PARD3B: variants seen among roughly 807,000 people sequenced by gnomAD.
The protein encoded by PARD3B is partitioning defective 3 homolog B.
PARD3B carries 103 observed loss-of-function variants against 130.2 expected under a neutral mutation model. The observed-to-expected ratio is 0.79, with a 90% CI of 0.67 to 0.93. The LOEUF (loss-of-function observed/expected upper bound fraction) is 0.93. PARD3B is among the 40% of genes least tolerant of loss of function. The pLI is 0.00. For synonymous variants in PARD3B, 583 were observed against 553.2 expected, an observed-to-expected ratio of 1.05 and a Z score of -0.76; for missense variants, 1,609 against 1,499.2, an observed-to-expected ratio of 1.07 and a Z score of -1.21.
At chr2:204,766,935 GCT>G (rs898042803) in intron 2 of PARD3B, among the ~76,000 whole-genome samples, 1 of 143,638 alleles carries the variant, frequency 7.0e-6, no homozygotes, top group African/African-American at 2.5e-5. Flanking sequence ...GGAGTATTCT[GCT>G]CTCTGCTGTT....
chr2:204,772,785 T>C (rs975843761), intron 2 of PARD3B, among the ~76,000 whole-genome samples: 3 of 152,204 alleles, frequency 2.0e-5, no homozygotes, highest in African/African-American at 7.2e-5. Context: ...AAAATGATTG[T>C]ATTTTGTATG....
At chr2:205,422,914 A>T (rs548728850) in intron 19 of PARD3B, among the ~76,000 whole-genome samples, 1 of 152,214 alleles carries the variant, frequency 6.6e-6, no homozygotes, top group Non-Finnish European at 1.5e-5. Context: ...GTCATTGCCT[A>T]TCCTAACAAA....
intron 1 of PARD3B, among the ~76,000 whole-genome samples, chr2:204,549,115 A>T (rs1240069416): frequency 6.6e-6 from 1 of 152,202 alleles, no homozygotes; most frequent in African/African-American, 2.4e-5. Flanking sequence ...CCCTGAATCA[A>T]CATCAGATAA....
rs760582214 is a variant in PARD3B at position 205,301,655 on chromosome 2, G to A, written c.2584G>A (p.Asp862Asn). 1 of 1,544,406 alleles carries A rather than the reference G, an allele frequency of 6.5e-7. No homozygotes were observed. Among genetic ancestry groups the A allele is most frequent in the African/African-American group, 1.4e-5 (1 of 73,352 alleles). The change falls in exon 18 of 23, where the codon GAT becomes AAT. Residue 862 changes from aspartate (D) to asparagine (N), a missense_variant. Asp to Asn is a conservative substitution (Grantham distance 23). Transcript: ENST00000406610. This position sits in a 1 kb window ranked among gnomAD's most constrained non-coding sequence, Gnocchi z 5.2. The stretch of plus-strand genomic sequence containing the variant: ...GAAAAAGCGCAAAGAGGAGAATGAA[G>A]ATCCAGAAAGGAAAATAAAGAAGAA... ...KEKKRKEENE[D>N]PERKIKKKGF... is the part of the protein sequence containing the mutation.
At chr2:205,600,997 T>C (rs2054763546) in intron 22 of PARD3B, among the ~76,000 whole-genome samples, 1 of 152,226 alleles carries the variant, frequency 6.6e-6, no homozygotes, top group South Asian at 2.1e-4. Context: ...GAGAATGATT[T>C]ATATTCCTTT....
chr2:204,812,975 T>C (rs903448894), intron 2 of PARD3B, among the ~76,000 whole-genome samples: 3 of 152,226 alleles, frequency 2.0e-5, no homozygotes, highest in Non-Finnish European at 4.4e-5. Flanking sequence ...GATAGACATT[T>C]GGGCTTTCTC....
intron 3 of PARD3B, among the ~76,000 whole-genome samples, chr2:204,997,506 T>C (rs976166585): frequency 6.6e-6 from 1 of 151,546 alleles, no homozygotes; most frequent in Non-Finnish European, 1.5e-5. Flanking sequence ...GATGCTATTA[T>C]AAAGAAAGTT....
At chr2:204,970,289 T>C (rs142340471) in intron 3 of PARD3B, among the ~76,000 whole-genome samples, 11 of 152,328 alleles carry the variant, frequency 7.2e-5, no homozygotes, top group Non-Finnish European at 1.6e-4. Context: ...CAGTATTTGA[T>C]CTAGCTGTGT....
rs139019806 is a variant in PARD3B, at chr2:205,090,173, G to A, written c.505-14253G>A. On this transcript the variant is annotated intron_variant, in intron 4 of 22. Coordinates refer to ENST00000406610, the MANE Select transcript of PARD3B (RefSeq NM_001302769.2). ...CCCTGGGAGTTCATTAAAAGTGTGA[G>A]GTTGCCTCACTAATTAGATATGGCG... is the stretch of plus-strand genomic sequence containing the variant. 1.3e-3 allele frequency among the ~76,000 whole-genome samples: 199 copies of A among 152,328 alleles called. 1 individual carries two copies. Among genetic ancestry groups the A allele is most frequent in the African/African-American group, 4.5e-3 (187 of 41,578 alleles).
At chr2:205,168,649 G>A (rs2034969155) in intron 11 of PARD3B, among the ~76,000 whole-genome samples, 1 of 151,192 alleles carries the variant, frequency 6.6e-6, no homozygotes, top group South Asian at 2.1e-4. Flanking sequence ...TAGCTAAGTA[G>A]GTAGACAGCC....
chr2:205,106,549 G>A (rs1361553677), intron 5 of PARD3B, among the ~76,000 whole-genome samples: 1 of 149,602 alleles, frequency 6.7e-6, no homozygotes, highest in Non-Finnish European at 1.5e-5. Flanking sequence ...TTATCAAAAC[G>A]GGCTTTTCAC....
chr2:204,609,671 A>G (rs1237678139), intron 1 of PARD3B, among the ~76,000 whole-genome samples: 1 of 152,136 alleles, frequency 6.6e-6, no homozygotes, highest in Non-Finnish European at 1.5e-5. Flanking sequence ...AAGGGGAGTT[A>G]TATAGTCCAG....
intron 2 of PARD3B, among the ~76,000 whole-genome samples, chr2:204,840,677 A>G (rs922764580): frequency 1.3e-5 from 2 of 152,148 alleles, no homozygotes; most frequent in East Asian, 3.9e-4. Flanking sequence ...TCTAACCACA[A>G]TGATAAGTAC....
intron 2 of PARD3B, among the ~76,000 whole-genome samples, chr2:204,860,354 TCTTCTGG>T (rs2045133394): frequency 6.6e-6 from 1 of 152,236 alleles, no homozygotes; most frequent in Admixed American, 6.5e-5. Context: ...GCTTGCTCTC[TCTTCTGG>T]TGAGACAGCC....
At chr2:205,410,888 C>T (rs1035450482) in intron 19 of PARD3B, among the ~76,000 whole-genome samples, 3 of 152,128 alleles carry the variant, frequency 2.0e-5, no homozygotes, top group African/African-American at 7.2e-5. Flanking sequence ...GGAATCTTCT[C>T]CCCCGTCACC....
At chr2:204,824,178 C>A (rs1165193558) in intron 2 of PARD3B, among the ~76,000 whole-genome samples, 1 of 152,214 alleles carries the variant, frequency 6.6e-6, no homozygotes, top group Non-Finnish European at 1.5e-5. Context: ...ACTCTCTGCT[C>A]TCATCTGTAC....
At chr2:204,946,900 G>GA (rs1378576108) in intron 2 of PARD3B, among the ~76,000 whole-genome samples, 1 of 152,090 alleles carries the variant, frequency 6.6e-6, no homozygotes, top group South Asian at 2.1e-4. Context: ...AGGCTGGAAA[G>GA]AAAAAAACAA....
intron 18 of PARD3B, among the ~76,000 whole-genome samples, chr2:205,386,771 G>C (rs1303572422): frequency 6.6e-6 from 1 of 151,692 alleles, no homozygotes; most frequent in East Asian, 2.0e-4. Context: ...GAGGGGTTCA[G>C]GTCCCTGTTT....
At chr2:204,886,422 T>C (rs57351682) in intron 2 of PARD3B, among the ~76,000 whole-genome samples, 10,433 of 152,258 alleles carry the variant, frequency 0.069, 791 homozygotes, top group African/African-American at 0.19. Flanking sequence ...ATATTGGAAA[T>C]GTTAGGAGAT....
Sources: gnomAD v4.1 joint callset for allele counts (sites outside exome capture counted in the v4.1 genomes callset) on GRCh38, gnomAD v4.1.1 for gene constraint, Gnocchi (gnomAD v3.1) non-coding constraint, MANE v1.5 for transcripts, NCBI Gene and HGNC (gene_info 2026-07-23, HGNC 2026-07-21) for gene names.